The following NECTIN2 variants were observed in gnomAD, a reference collection of about 807,000 sequenced individuals.
NECTIN2 encodes nectin cell adhesion molecule 2.
In NECTIN2, 23 loss-of-function variants were observed where a neutral mutation model predicts 56.9. That is an observed-to-expected ratio of 0.40 (90% CI 0.29 to 0.57). The LOEUF (loss-of-function observed/expected upper bound fraction) is 0.57, where lower values mean the gene tolerates loss of function less well. NECTIN2 is among the 20% of genes least tolerant of loss of function. NECTIN2 has a pLI of 0.38. For missense variants in NECTIN2, 587 were observed against 718.3 expected (o/e 0.82, Z 2.09); for synonymous variants, 302 against 313.8 (o/e 0.96, Z 0.40).
intron 3 of NECTIN2, 140 bp from the exon 4 acceptor site, chr19:44,873,776 C>T (rs959312170): frequency 1.5e-6 from 1 of 669,046 alleles, no homozygotes; most frequent in African/African-American, 1.8e-5. Context: ...ACAGCCTGGA[C>T]TGATTTGCCC....
intron 1 of NECTIN2, among the ~76,000 whole-genome samples, chr19:44,863,324 C>T (rs558545014): frequency 2.1e-4 from 32 of 151,736 alleles, no homozygotes; most frequent in Admixed American, 1.9e-3. Flanking sequence ...AAAAATTAGC[C>T]GGGCACTGGT....
At chr19:44,851,864 G>A (rs977546657) in intron 1 of NECTIN2, among the ~76,000 whole-genome samples, 1 of 152,116 alleles carries the variant, frequency 6.6e-6, no homozygotes, top group Non-Finnish European at 1.5e-5. Context: ...TATCTCCCTT[G>A]CCTCCACCTG....
intron 2 of NECTIN2, among the ~76,000 whole-genome samples, chr19:44,867,819 G>C (rs1296255777): frequency 6.6e-6 from 1 of 152,108 alleles, no homozygotes; most frequent in African/African-American, 2.4e-5. Context: ...AGAGCCATGG[G>C]AGGTGTCAAG....
chr19:44,875,973 C>T lies in NECTIN2; in HGVS notation c.1042+1495C>T, dbSNP rs1969232299. Among the ~76,000 whole-genome samples, 1 of 152,138 alleles carries T rather than the reference C, an allele frequency of 6.6e-6. No individual in the cohort carries two copies. The highest frequency in any genetic ancestry group is 2.4e-5 in the African/African-American group (1 of 41,414). Reference sequence around the variant, plus strand: ...TCACACAGACACGCTGGGGGCAAAACTAATCCAGGACAGCAACGGCTGCAC... The same window carrying T: ...TCACACAGACACGCTGGGGGCAAAATTAATCCAGGACAGCAACGGCTGCAC... On this transcript the variant is annotated intron_variant, in intron 5 of 8. Transcript: ENST00000252483. This position sits in a 1 kb window ranked among gnomAD's most constrained non-coding sequence, Gnocchi z 4.2.
At chr19:44,885,546 A>G (rs1908663548) in intron 6 of NECTIN2, among the ~76,000 whole-genome samples, 1 of 151,990 alleles carries the variant, frequency 6.6e-6, no homozygotes, top group African/African-American at 2.4e-5. Context: ...TGCTGACCTC[A>G]GATGATCCGC....
In NECTIN2 at chr19:44,865,235, C is replaced by A. The variant is rs372774527; in HGVS notation, c.89-36C>A. The A allele has an allele frequency of 8.3e-6, 13 of 1,562,380 alleles. No homozygotes were observed. Among genetic ancestry groups the A allele is most frequent in the African/African-American group, 1.3e-5 (1 of 74,150 alleles). ...CCTGGAGGTGTCTGGGTCCCTCCCC[C>A]ACCCGACTACTTCACTCTCTGTCCT... On this transcript the variant is annotated intron_variant, in intron 1 of 8. Coordinates refer to ENST00000252483, the MANE Select transcript of NECTIN2 (RefSeq NM_001042724.2). The surrounding 1 kb of genome is among the most constrained non-coding windows in gnomAD (Gnocchi z 5.2).
chr19:44,849,841 A>G (rs978777513), intron 1 of NECTIN2, among the ~76,000 whole-genome samples: 1 of 152,194 alleles, frequency 6.6e-6, no homozygotes, highest in African/African-American at 2.4e-5. Context: ...GGGACAGGGT[A>G]TCTTCTCAGG....
intron 5 of NECTIN2, chr19:44,878,925 C>G: frequency 2.5e-6 from 3 of 1,187,212 alleles, no homozygotes; most frequent in Non-Finnish European, 3.1e-6. Context: ...TAATAAATGC[C>G]TTGGAGGAAA....
rs1969232569 is a variant in NECTIN2 at position 44,875,992 on chromosome 19, G to T, written c.1042+1514G>T. Among the ~76,000 whole-genome samples the T allele has an allele frequency of 6.6e-6, 1 of 152,090 alleles. No individual in the cohort carries two copies. Among genetic ancestry groups the T allele is most frequent in the Non-Finnish European group, 1.5e-5 (1 of 68,010 alleles). On this transcript the variant is annotated intron_variant, in intron 5 of 8. Coordinates refer to ENST00000252483, the MANE Select transcript of NECTIN2 (RefSeq NM_001042724.2). The surrounding 1 kb of genome is among the most constrained non-coding windows in gnomAD (Gnocchi z 4.2). ...GCAAAACTAATCCAGGACAGCAACG[G>T]CTGCACACGGAGGAATGTCATCCCT...
chr19:44,856,252 G>A (rs1968964203), intron 1 of NECTIN2, among the ~76,000 whole-genome samples: 1 of 152,170 alleles, frequency 6.6e-6, no homozygotes, highest in Admixed American at 6.6e-5. Context: ...AGCCAAGATG[G>A]CGCCACTACA....
intron 2 of NECTIN2, among the ~76,000 whole-genome samples, chr19:44,869,745 TTTTG>T (rs373090569): frequency 2.0e-3 from 300 of 152,100 alleles, no homozygotes; most frequent in Non-Finnish European, 3.6e-3. Context: ...GCAAGTGAGC[TTTTG>T]TTTGTTTGTT....
chr19:44,846,475 C>G lies in NECTIN2; in HGVS notation c.-51C>G. 1 of 1,418,456 alleles carries G rather than the reference C, an allele frequency of 7.0e-7. No homozygotes were observed. The highest frequency in any genetic ancestry group is 9.1e-7 in the Non-Finnish European group (1 of 1,096,816). 87.9% of individuals were successfully genotyped at this position (1,418,456 alleles called of 1,614,324 possible). On this transcript the variant is annotated 5_prime_UTR_variant, in exon 1 of 9. Transcript: ENST00000252483. ...AAACCGCCCAGCCGATCGGCCCCCA[C>G]AGAGTGGCCCGCGGGCCTCCGGCCG...
chr19:44,863,091 G>A (rs1437839947), intron 1 of NECTIN2, among the ~76,000 whole-genome samples: 2 of 151,216 alleles, frequency 1.3e-5, no homozygotes, highest in Non-Finnish European at 2.9e-5. Context: ...GAAATTGGGA[G>A]GTGGAGGTTG....
rs777696036 is a variant in NECTIN2, at chr19:44,874,074, GGGGCTGGGGGCCT to G, written c.893+44_893+56del. 3.7e-5 allele frequency: 56 copies of G among 1,508,390 alleles called. No individual in the cohort carries two copies. In the East Asian group the frequency reaches 9.1e-4, roughly 24 times the overall value. 93.4% of individuals were successfully genotyped at this position (1,508,390 alleles called of 1,614,324 possible). A position where few individuals can be genotyped will look rare whatever the true frequency, so the allele number is the denominator to read the frequency against. On this transcript the variant is annotated intron_variant, in intron 4 of 8. Coordinates refer to ENST00000252483, the MANE Select transcript of NECTIN2 (RefSeq NM_001042724.2). The surrounding 1 kb of genome is among the most constrained non-coding windows in gnomAD (Gnocchi z 6.3). ...TCAGAACCCTGGGTCTGAGGGAGGC[GGGGCTGGGGGCCT>G]GGACTCCTGGATCTAAGGGAGGAGG...
At chr19:44,869,421 T>C (rs1317679299) in intron 2 of NECTIN2, among the ~76,000 whole-genome samples, 1 of 151,446 alleles carries the variant, frequency 6.6e-6, no homozygotes, top group Non-Finnish European at 1.5e-5. Context: ...TGAAACCCTG[T>C]CTCTACTAAA....
rs201138989 is a variant in NECTIN2 at position 44,864,020 on chromosome 19, C to CG, written c.89-1251_89-1250insG. Among the ~76,000 whole-genome samples the CG allele has an allele frequency of 3.6e-4, 55 of 151,532 alleles. 1 individual carries two copies. The highest frequency in any genetic ancestry group is 9.9e-4 in the African/African-American group (41 of 41,290). ...ATTTATTTTCAGAGGATTCCCCCCCCCCAAAAAAAAATCTTATGAAAATTT... is the reference window on the plus strand; with the variant it reads ...ATTTATTTTCAGAGGATTCCCCCCCCGCCAAAAAAAAATCTTATGAAAATTT... On this transcript the variant is annotated intron_variant, in intron 1 of 8. Coordinates refer to ENST00000252483, the MANE Select transcript of NECTIN2 (RefSeq NM_001042724.2).
Position 44,857,711 on chromosome 19 carries a change from G to GTT in NECTIN2, c.89-7548_89-7547dup, listed in dbSNP as rs1228699075. 3.3e-4 allele frequency among the ~76,000 whole-genome samples: 47 copies of GTT among 144,222 alleles called. 2 individuals carry two copies. Among genetic ancestry groups the GTT allele is most frequent in the Admixed American group, 1.5e-3 (22 of 14,386 alleles). 94.6% of individuals were successfully genotyped at this position (144,222 alleles called of 152,430 possible). Reference sequence around the variant, plus strand: ...GCCATCGTGCCGGGTTTTTGTTTTTGTTTTTTTTTTTTTAAGAGATGAAGT... The same window carrying GTT: ...GCCATCGTGCCGGGTTTTTGTTTTTGTTTTTTTTTTTTTTTAAGAGATGAAGT... On this transcript the variant is annotated intron_variant, in intron 1 of 8. Coordinates refer to ENST00000252483, the MANE Select transcript of NECTIN2 (RefSeq NM_001042724.2).
chr19:44,882,075 T>C, intron 5 of NECTIN2, 136 bp from the exon 6 acceptor site: 10 of 741,902 alleles, frequency 1.3e-5, no homozygotes, highest in Non-Finnish European at 1.9e-5. Context: ...GCAGTTTGAG[T>C]TGAATGAAAG....
chr19:44,873,802 G>C, intron 3 of NECTIN2, 114 bp from the exon 4 acceptor site: 1 of 757,940 alleles, frequency 1.3e-6, no homozygotes, highest in Admixed American at 1.9e-5. Flanking sequence ...AGTTTTGACT[G>C]CTGTACCTCC....
Sources: gnomAD v4.1 joint callset for allele counts (sites outside exome capture counted in the v4.1 genomes callset) on GRCh38, gnomAD v4.1.1 for gene constraint, Gnocchi (gnomAD v3.1) non-coding constraint, MANE v1.5 for transcripts, NCBI Gene and HGNC (gene_info 2026-07-23, HGNC 2026-07-21) for gene names.